Variants in GRIK4 observed in about 807,000 individuals in gnomAD.
The protein encoded by GRIK4 is glutamate ionotropic receptor kainate type subunit 4, also known as glutamate receptor ionotropic, kainate 4.
In GRIK4, 40 loss-of-function variants were observed where a neutral mutation model predicts 104.9. The ratio of observed to expected loss-of-function variants is 0.38; its 90% CI spans 0.30 to 0.50. GRIK4 has a LOEUF of 0.50. GRIK4 is among the 20% of genes least tolerant of loss of function. GRIK4 has a pLI of 0.93. For missense variants in GRIK4, 1,047 were observed against 1,308.1 expected, an observed-to-expected ratio of 0.80 and a Z score of 3.08; for synonymous variants, 485 against 524.9, an observed-to-expected ratio of 0.92 and a Z score of 1.04.
At chr11:120,584,961 T>G (rs1164243923) in intron 1 of GRIK4, among the ~76,000 whole-genome samples, 1 of 152,192 alleles carries the variant, frequency 6.6e-6, no homozygotes, top group East Asian at 1.9e-4. Context: ...TTTGCTAGTA[T>G]TTTGTTGAGG....
At position 120,952,373 on chromosome 11, in the gene GRIK4, G is replaced by T. The variant is rs1197733445; in HGVS notation, c.1591-482G>T. Among the ~76,000 whole-genome samples the T allele has an allele frequency of 1.3e-5, 2 of 152,174 alleles. No homozygotes were observed. Among genetic ancestry groups the T allele is most frequent in the Admixed American group, 1.3e-4 (2 of 15,278 alleles). On this transcript the variant is annotated intron_variant, in intron 14 of 20. Transcript: ENST00000527524. The surrounding 1 kb of genome is among the most constrained non-coding windows in gnomAD (Gnocchi z 5.2). ...ACTGTTTTGAGGTTGACGGGGGAAG[G>T]TCTCACTGTGTGAGATCACCCTGCA... is the stretch of plus-strand genomic sequence containing the variant.
chr11:120,836,156 A>C (rs1296069804), intron 7 of GRIK4, among the ~76,000 whole-genome samples: 1 of 152,234 alleles, frequency 6.6e-6, no homozygotes, highest in African/African-American at 2.4e-5. Context: ...TGGTTCCATC[A>C]GTGTGACAGT....
chr11:120,928,402 G>A (rs1383224977), intron 13 of GRIK4, among the ~76,000 whole-genome samples: 1 of 152,018 alleles, frequency 6.6e-6, no homozygotes, highest in Non-Finnish European at 1.5e-5. Flanking sequence ...ACATTATTTT[G>A]CCTATTTTAG....
intron 1 of GRIK4, among the ~76,000 whole-genome samples, chr11:120,609,043 A>G (rs74573926): frequency 0.02 from 3,114 of 152,284 alleles, 99 homozygotes; most frequent in African/African-American, 0.071. Context: ...GGATTGCACA[A>G]TTGTGGGGTA....
intron 2 of GRIK4, among the ~76,000 whole-genome samples, chr11:120,659,681 C>T (rs934440222): frequency 2.0e-5 from 3 of 152,212 alleles, no homozygotes; most frequent in Non-Finnish European, 4.4e-5. Context: ...CCAACTCTCC[C>T]ATCCCTTCCT....
chr11:120,657,180 C>A (rs1949724262), intron 2 of GRIK4, among the ~76,000 whole-genome samples: 1 of 152,192 alleles, frequency 6.6e-6, no homozygotes, highest in Non-Finnish European at 1.5e-5. Context: ...ATATACCAGG[C>A]ACTGTTCTAG....
At chr11:120,517,096 G>A (rs1030432757) in intron 1 of GRIK4, among the ~76,000 whole-genome samples, 1 of 149,018 alleles carries the variant, frequency 6.7e-6, no homozygotes, top group Non-Finnish European at 1.5e-5. Flanking sequence ...TCACTGCCCT[G>A]GAAGTTCCTC....
intron 11 of GRIK4, among the ~76,000 whole-genome samples, chr11:120,896,966 A>C (rs568384685): frequency 6.6e-6 from 1 of 152,304 alleles, no homozygotes; most frequent in Non-Finnish European, 1.5e-5. Context: ...CAGCTAGTAG[A>C]GATATATTGG....
At chr11:120,619,577 G>T (rs1949159333) in intron 1 of GRIK4, among the ~76,000 whole-genome samples, 1 of 152,212 alleles carries the variant, frequency 6.6e-6, no homozygotes, top group Non-Finnish European at 1.5e-5. Flanking sequence ...CCCGGTGTTG[G>T]AGGGGGATCC....
chr11:120,761,017 C>T (rs868815571), intron 3 of GRIK4, among the ~76,000 whole-genome samples: 4 of 152,120 alleles, frequency 2.6e-5, no homozygotes, highest in Non-Finnish European at 4.4e-5. Context: ...CTTGAGGAAT[C>T]GCCACACTGT....
At chr11:120,652,482 A>G (rs755689121) in intron 1 of GRIK4, among the ~76,000 whole-genome samples, 40 of 152,164 alleles carry the variant, frequency 2.6e-4, no homozygotes, top group Non-Finnish European at 5.0e-4. Context: ...CAGAGGCTGG[A>G]GCAGACTCAC....
At chr11:120,532,370 G>GC (rs1947932662) in intron 1 of GRIK4, among the ~76,000 whole-genome samples, 1 of 152,174 alleles carries the variant, frequency 6.6e-6, no homozygotes, top group South Asian at 2.1e-4. Flanking sequence ...GAGTCGGGTG[G>GC]CCCTGTGGTA....
At chr11:120,847,793 C>T (rs1953885681) in intron 8 of GRIK4, among the ~76,000 whole-genome samples, 1 of 152,308 alleles carries the variant, frequency 6.6e-6, no homozygotes, top group Middle Eastern at 3.4e-3. Context: ...GCACCTTTAG[C>T]TTGGTGGTGG....
intron 1 of GRIK4, among the ~76,000 whole-genome samples, chr11:120,603,634 TAAAG>T (rs1948916350): frequency 6.6e-6 from 1 of 152,104 alleles, no homozygotes; most frequent in Non-Finnish European, 1.5e-5. Flanking sequence ...ATCTTGAAAA[TAAAG>T]AAACACATGC....
At chr11:120,675,516 C>G (rs1197483962) in intron 3 of GRIK4, among the ~76,000 whole-genome samples, 1 of 152,190 alleles carries the variant, frequency 6.6e-6, no homozygotes, top group Non-Finnish European at 1.5e-5. Flanking sequence ...TGAGAGGACA[C>G]AGGTGAAGTA....
At chr11:120,574,559 A>G (rs1424042281) in intron 1 of GRIK4, among the ~76,000 whole-genome samples, 1 of 152,130 alleles carries the variant, frequency 6.6e-6, no homozygotes, top group Non-Finnish European at 1.5e-5. Context: ...CTCTACCTCC[A>G]TAACATTGCA....
intron 1 of GRIK4, among the ~76,000 whole-genome samples, chr11:120,580,820 T>C (rs1393780768): frequency 6.6e-6 from 1 of 152,200 alleles, no homozygotes; most frequent in East Asian, 1.9e-4. Context: ...AGTGTATGTT[T>C]AGCTTCCTAA....
At chr11:120,870,523 G>T (rs56100434) in intron 9 of GRIK4, 5,592 of 152,104 alleles carry the variant, frequency 0.037, 146 homozygotes, top group Non-Finnish European at 0.056. Flanking sequence ...GTTGTCCTGG[G>T]AGATGAGGCA....
intron 3 of GRIK4, among the ~76,000 whole-genome samples, chr11:120,784,472 C>T (rs1952224486): frequency 6.6e-6 from 1 of 152,124 alleles, no homozygotes; most frequent in South Asian, 2.1e-4. Flanking sequence ...TGTGGTCAGA[C>T]CTCTGGCTCC....
Sources: allele counts gnomAD v4.1 joint callset (sites outside exome capture counted in the v4.1 genomes callset), GRCh38; gene constraint gnomAD v4.1.1; non-coding constraint Gnocchi (gnomAD v3.1); transcripts MANE v1.5; gene names NCBI Gene and HGNC (gene_info 2026-07-23, HGNC 2026-07-21).